DSC1: variants seen among roughly 807,000 people sequenced by gnomAD.
The protein encoded by DSC1 is desmocollin-1.
Under a neutral mutation model 98.8 loss-of-function variants are expected in DSC1, and 79 were observed. The ratio of observed to expected loss-of-function variants is 0.80; its 90% confidence interval spans 0.67 to 0.96. DSC1 has a LOEUF of 0.96. DSC1 is among the 50% of genes least tolerant of loss of function. DSC1 has a pLI of 0.00. For missense variants in DSC1, 1,115 were observed against 1,075.9 expected, an observed-to-expected ratio of 1.04 and a Z score of -0.51; for synonymous variants, 405 against 372.1, an observed-to-expected ratio of 1.09 and a Z score of -1.02.
intron 2 of DSC1, 62 bp downstream of exon 2, chr18:31,159,383 A>T (rs528322086): frequency 1.5e-4 from 232 of 1,553,900 alleles, no homozygotes; most frequent in Admixed American, 2.7e-4. Context: ...AAACTTTACA[A>T]GAGCAGCCTG....
intron 10 of DSC1, 30 bp from the exon 11 acceptor site, chr18:31,139,920 C>A: frequency 6.3e-7 from 1 of 1,579,852 alleles, no homozygotes. Flanking sequence ...TATGAACGGT[C>A]AAATCAAAGA....
At chr18:31,161,312 G>A (rs977814625) in intron 1 of DSC1, among the ~76,000 whole-genome samples, 6 of 151,860 alleles carry the variant, frequency 4.0e-5, no homozygotes, top group African/African-American at 1.5e-4. Context: ...CATTGACTGA[G>A]GCATTGTTTT....
chr18:31,156,961 C>T (rs1391533987), intron 3 of DSC1, among the ~76,000 whole-genome samples: 1 of 152,170 alleles, frequency 6.6e-6, no homozygotes, highest in Non-Finnish European at 1.5e-5. Context: ...AGTCTCTTCT[C>T]CTCTTTAAAG....
chr18:31,162,448 T>C, intron 1 of DSC1, 84 bp downstream of exon 1: 1 of 1,313,764 alleles, frequency 7.6e-7, no homozygotes, highest in South Asian at 1.2e-5. Context: ...CCATCCTCAC[T>C]CCTAGTCTCT....
chr18:31,135,520 T>G (rs1988592325), intron 11 of DSC1, among the ~76,000 whole-genome samples: 1 of 152,180 alleles, frequency 6.6e-6, no homozygotes, highest in Non-Finnish European at 1.5e-5. Context: ...ACATTGAACA[T>G]AATGCAGTTC....
intron 1 of DSC1, among the ~76,000 whole-genome samples, 186 bp from the exon 2 acceptor site, chr18:31,159,715 C>CA (rs1989176296): frequency 6.6e-6 from 1 of 152,002 alleles, no homozygotes; most frequent in Admixed American, 6.6e-5. Flanking sequence ...ATAGCACTGT[C>CA]ATTTATTTGT....
intron 6 of DSC1, 118 bp downstream of exon 6, chr18:31,148,380 A>T: frequency 7.9e-7 from 1 of 1,272,818 alleles, no homozygotes; most frequent in African/African-American, 1.5e-5. Context: ...AAGTGTATGT[A>T]ATCAGAAATA....
intron 6 of DSC1, among the ~76,000 whole-genome samples, chr18:31,146,303 T>C (rs911059779): frequency 4.6e-5 from 7 of 152,182 alleles, no homozygotes; most frequent in African/African-American, 1.7e-4. Context: ...GTGTACCCAA[T>C]GTTCAGCTCT....
At chr18:31,158,438 A>C (rs1334055456) in intron 2 of DSC1, among the ~76,000 whole-genome samples, 3 of 152,218 alleles carry the variant, frequency 2.0e-5, no homozygotes, top group African/African-American at 7.2e-5. Context: ...TGTATTTACT[A>C]TGTGTCTTTA....
chr18:31,135,511 C>A (rs190102680), intron 11 of DSC1, among the ~76,000 whole-genome samples: 17 of 152,246 alleles, frequency 1.1e-4, no homozygotes, highest in Admixed American at 2.0e-4. Flanking sequence ...AATACTGACA[C>A]ATTGAACATA....
At chr18:31,152,330 T>A (rs535470893) in intron 5 of DSC1, among the ~76,000 whole-genome samples, 1 of 152,328 alleles carries the variant, frequency 6.6e-6, no homozygotes, top group South Asian at 2.1e-4. Flanking sequence ...CACTTGGAAT[T>A]GTTGAAGAAA....
intron 11 of DSC1, among the ~76,000 whole-genome samples, chr18:31,136,401 T>G (rs1386608231): frequency 6.6e-6 from 1 of 152,116 alleles, no homozygotes; most frequent in Non-Finnish European, 1.5e-5. Flanking sequence ...CCAAAAAAAG[T>G]GGTAATTATA....
intron 12 of DSC1, 148 bp downstream of exon 12, chr18:31,134,423 AT>A (rs1402283611): frequency 3.7e-5 from 30 of 811,586 alleles, no homozygotes; most frequent in East Asian, 8.2e-5. Flanking sequence ...AATGGCACTA[AT>A]TTTTTTTAAA....
At chr18:31,143,527 T>G in intron 8 of DSC1, 130 bp downstream of exon 8, 2 of 592,750 alleles carry the variant, frequency 3.4e-6, no homozygotes, top group Non-Finnish European at 5.2e-6. Context: ...TTTCTCCCTA[T>G]GTTATTTGTA....
At chr18:31,131,916 C>A in intron 14 of DSC1, 74 bp from the exon 15 acceptor site, 1 of 1,535,270 alleles carries the variant, frequency 6.5e-7, no homozygotes, top group South Asian at 1.2e-5. Flanking sequence ...TTTTTTTCAC[C>A]ATAGGCAAAT....
intron 6 of DSC1, among the ~76,000 whole-genome samples, chr18:31,148,265 T>C (rs920454952): frequency 6.6e-6 from 1 of 152,194 alleles, no homozygotes; most frequent in South Asian, 2.1e-4. Context: ...GAAAAATGTA[T>C]AATATTTTAT....
chr18:31,139,706 A>C (rs771888120), intron 11 of DSC1, 42 bp downstream of exon 11: 22 of 1,497,944 alleles, frequency 1.5e-5, no homozygotes, highest in Non-Finnish European at 2.0e-5. Context: ...CCTTAAAAAC[A>C]TGTCATATAT....
intron 9 of DSC1, among the ~76,000 whole-genome samples, chr18:31,141,178 T>C (rs113646834): frequency 6.6e-6 from 1 of 151,058 alleles, no homozygotes; most frequent in South Asian, 2.1e-4. Flanking sequence ...CTAAAATGAA[T>C]AGTTAGAAAG....
At chr18:31,160,999 T>G (rs1442913917) in intron 1 of DSC1, among the ~76,000 whole-genome samples, 1 of 152,062 alleles carries the variant, frequency 6.6e-6, no homozygotes, top group East Asian at 1.9e-4. Context: ...TTAGAGGATA[T>G]AGTCTACTAC....
Sources: allele counts gnomAD v4.1 joint callset (sites outside exome capture counted in the v4.1 genomes callset), GRCh38; gene constraint gnomAD v4.1.1; transcripts MANE v1.5; gene names NCBI Gene and HGNC (gene_info 2026-07-23, HGNC 2026-07-21).